Variants in C8orf74 observed in about 807,000 individuals in gnomAD.
The protein encoded by C8orf74 is uncharacterized protein C8orf74.
C8orf74 carries 29 observed loss-of-function variants against 22.2 expected under a neutral mutation model. The ratio of observed to expected loss-of-function variants is 1.31; its 90% CI spans 0.97 to 1.78. The LOEUF is 1.78. Among genes scored for constraint, C8orf74 ranks in the 40% most tolerant of loss-of-function variants. C8orf74 has a pLI of 0.00. For synonymous variants in C8orf74, 255 were observed against 163.1 expected, an observed-to-expected ratio of 1.56 and a Z score of -4.30; for missense variants, 515 against 369.9, an observed-to-expected ratio of 1.39 and a Z score of -3.22.
At chr8:10,687,094 C>G (rs1331371514) in intron 2 of C8orf74, 1 of 456,286 alleles carries the variant, frequency 2.2e-6, no homozygotes, top group Non-Finnish European at 4.4e-6. Flanking sequence ...AGTCCAGGAG[C>G]CCACACAGCC....
chr8:10,685,512 G>A (rs1003102078), intron 2 of C8orf74, among the ~76,000 whole-genome samples: 1 of 152,220 alleles, frequency 6.6e-6, no homozygotes, highest in African/African-American at 2.4e-5. Flanking sequence ...GAACCTTGAA[G>A]ACATTACGTT....
At chr8:10,677,166 AC>A (rs1287301707) in intron 2 of C8orf74, among the ~76,000 whole-genome samples, 1 of 151,780 alleles carries the variant, frequency 6.6e-6, no homozygotes, top group African/African-American at 2.4e-5. Flanking sequence ...GGAACAGGGA[AC>A]CCCTCCTCCT....
At chr8:10,675,888 C>T (rs140183107) in intron 2 of C8orf74, 7 of 152,344 alleles carry the variant, frequency 4.6e-5, no homozygotes, top group Admixed American at 2.6e-4. Flanking sequence ...TGTCTTCACA[C>T]GTGACCTGTG....
At chr8:10,678,669 C>CT (rs1799084442) in intron 2 of C8orf74, among the ~76,000 whole-genome samples, 1 of 152,050 alleles carries the variant, frequency 6.6e-6, no homozygotes, top group South Asian at 2.1e-4. Flanking sequence ...ATGAGACTGT[C>CT]CCAGTTCTGC....
rs1205612448 is a variant in C8orf74, at chr8:10,700,412, G to A, written c.826G>A (p.Glu276Lys). 10 of 1,611,906 alleles carry A rather than the reference G, an allele frequency of 6.2e-6. No homozygotes were observed. The highest frequency in any genetic ancestry group is 8.5e-6 in the Non-Finnish European group (10 of 1,178,886). ...PPPITSHAGQ[E>K]EALKPQRASK... ...CCCCATCACCAGCCACGCAGGCCAG[G>A]AGGAAGCCCTGAAGCCCCAAAGAGC... is the stretch of plus-strand genomic sequence containing the variant. Residue 276 changes from glutamate (E) to lysine (K), a missense_variant, in exon 4 of 4, where the codon GAG becomes AAG. Glu to Lys is a moderately conservative substitution (Grantham distance 56). Transcript: ENST00000304519.
chr8:10,695,591 T>C (rs1037642280), intron 2 of C8orf74, among the ~76,000 whole-genome samples: 1 of 151,972 alleles, frequency 6.6e-6, no homozygotes, highest in African/African-American at 2.4e-5. Flanking sequence ...AGATTCAAGG[T>C]GAATATTTCC....
intron 3 of C8orf74, 140 bp downstream of exon 3, chr8:10,698,145 A>G (rs1799573128): frequency 1.3e-5 from 11 of 826,286 alleles, no homozygotes; most frequent in East Asian, 2.9e-5. Flanking sequence ...AGAGTCTACC[A>G]CGAGCTTCGC....
intron 2 of C8orf74, among the ~76,000 whole-genome samples, chr8:10,684,791 GA>G (rs1275096005): frequency 6.6e-6 from 1 of 152,188 alleles, no homozygotes; most frequent in Non-Finnish European, 1.5e-5. Flanking sequence ...CCTTTTCACT[GA>G]AAGGAAGCAC....
chr8:10,682,236 G>T (rs528120600), intron 2 of C8orf74, among the ~76,000 whole-genome samples: 1 of 152,312 alleles, frequency 6.6e-6, no homozygotes, highest in East Asian at 1.9e-4. Flanking sequence ...ATGATTGATG[G>T]ATGGTGGAAG....
chr8:10,699,632 C>T (rs1387677610), intron 3 of C8orf74, among the ~76,000 whole-genome samples: 2 of 152,330 alleles, frequency 1.3e-5, no homozygotes, highest in Middle Eastern at 3.4e-3. Flanking sequence ...TCCTGTTTAA[C>T]ATGATGGGTG....
chr8:10,675,038 T>A (rs946823387), intron 2 of C8orf74, among the ~76,000 whole-genome samples, 200 bp downstream of exon 2: 1 of 152,352 alleles, frequency 6.6e-6, no homozygotes, highest in East Asian at 1.9e-4. Context: ...TGAGTCTTCA[T>A]TGGTCTGCCT....
intron 1 of C8orf74, 66 bp from the exon 2 acceptor site, chr8:10,674,580 T>G: frequency 1.1e-5 from 10 of 890,106 alleles, no homozygotes; most frequent in Non-Finnish European, 1.3e-5. Flanking sequence ...TCACACCCCG[T>G]AGCCCCTATA....
At chr8:10,686,139 T>G (rs1799258085) in intron 2 of C8orf74, among the ~76,000 whole-genome samples, 1 of 152,210 alleles carries the variant, frequency 6.6e-6, no homozygotes, top group Non-Finnish European at 1.5e-5. Context: ...ATTGAAAAAT[T>G]AAATTTAAAT....
intron 2 of C8orf74, among the ~76,000 whole-genome samples, chr8:10,696,928 G>C (rs116558684): frequency 6.6e-6 from 1 of 150,716 alleles, no homozygotes; most frequent in Non-Finnish European, 1.5e-5. Flanking sequence ...GGGAGGCCAC[G>C]GTGGGAGGAT....
At chr8:10,682,459 C>A (rs1057181402) in intron 2 of C8orf74, among the ~76,000 whole-genome samples, 1 of 152,158 alleles carries the variant, frequency 6.6e-6, no homozygotes, top group African/African-American at 2.4e-5. Context: ...TCGTTTCTCC[C>A]GAAGCCTCTC....
intron 2 of C8orf74, among the ~76,000 whole-genome samples, chr8:10,675,300 T>C (rs552012060): frequency 2.6e-4 from 39 of 152,298 alleles, no homozygotes; most frequent in African/African-American, 8.9e-4. Flanking sequence ...GGAAGCAGCA[T>C]TGCCCACTCC....
rs79603262 is a variant in C8orf74 at position 10,686,262 on chromosome 8, C to A, written c.242-11337C>A. Among the ~76,000 whole-genome samples the A allele has an allele frequency of 3.4e-3, 511 of 152,254 alleles. 13 individuals are homozygous for A. Among genetic ancestry groups the A allele is most frequent in the East Asian group, 0.026 (135 of 5,192 alleles). ...TGGAGTTGGAGGATCTGGACTGAGA[C>A]CTGATTTTGCTACTGAATAGCAGTA... On this transcript the variant is annotated intron_variant, in intron 2 of 3. Coordinates refer to ENST00000304519, the MANE Select transcript of C8orf74 (RefSeq NM_001040032.2).
chr8:10,679,061 G>A (rs551024953), intron 2 of C8orf74, among the ~76,000 whole-genome samples: 42 of 152,314 alleles, frequency 2.8e-4, no homozygotes, highest in African/African-American at 9.9e-4. Context: ...AGCCCTACAT[G>A]TTTCTGGGGA....
chr8:10,676,320 A>G (rs1408533326), intron 2 of C8orf74, among the ~76,000 whole-genome samples: 3 of 151,752 alleles, frequency 2.0e-5, no homozygotes, highest in Admixed American at 2.0e-4. Flanking sequence ...GGCACCCAGA[A>G]CTCATCACTC....
Sources: allele counts gnomAD v4.1 joint callset (sites outside exome capture counted in the v4.1 genomes callset), GRCh38; gene constraint gnomAD v4.1.1; transcripts MANE v1.5; gene names NCBI Gene and HGNC (gene_info 2026-07-23, HGNC 2026-07-21).